The following MAML2 variants were observed in gnomAD, a reference collection of about 807,000 sequenced individuals.
The protein encoded by MAML2 is mastermind-like protein 2.
A neutral mutation model predicts 96.1 loss-of-function variants in MAML2; 22 were observed. The observed-to-expected ratio is 0.23, with a 90% CI of 0.16 to 0.33. MAML2 has a LOEUF of 0.33. MAML2 is among the 10% of genes least tolerant of loss of function. The pLI is 1.00. For synonymous variants in MAML2, 561 were observed against 521.3 expected (o/e 1.08, Z -1.04); for missense variants, 1,367 against 1,392.4 (o/e 0.98, Z 0.29).
At chr11:96,080,854 G>A (rs1021064413) in intron 2 of MAML2, among the ~76,000 whole-genome samples, 3 of 152,178 alleles carry the variant, frequency 2.0e-5, no homozygotes, top group African/African-American at 7.2e-5. Flanking sequence ...AAAGGTTTCA[G>A]AAAGCTGGCC....
chr11:96,120,359 G>A (rs1427010663), intron 1 of MAML2, among the ~76,000 whole-genome samples: 1 of 152,200 alleles, frequency 6.6e-6, no homozygotes. Context: ...AGGATCAGGA[G>A]TAATCTATAT....
chr11:96,151,524 A>C (rs1475374786), intron 1 of MAML2, among the ~76,000 whole-genome samples: 1 of 152,138 alleles, frequency 6.6e-6, no homozygotes, highest in African/African-American at 2.4e-5. Context: ...TCAGTATTGG[A>C]GGTGAGGCCT....
At chr11:96,076,486 C>T (rs1430248014) in intron 2 of MAML2, among the ~76,000 whole-genome samples, 1 of 150,574 alleles carries the variant, frequency 6.6e-6, no homozygotes, top group Non-Finnish European at 1.5e-5. Flanking sequence ...CCCTTCAGAG[C>T]TGCCTGCTTA....
Position 95,986,977 on chromosome 11 carries a change from T to C in MAML2, c.2344-1335A>G, listed in dbSNP as rs80087825. ...ACACAGCTGTTGGCTTTATTACTTGTTGCAGCAAGGGAGAACACACATCAT... is the reference window on the plus strand; with the variant it reads ...ACACAGCTGTTGGCTTTATTACTTGCTGCAGCAAGGGAGAACACACATCAT... On this transcript the variant is annotated intron_variant, in intron 3 of 4. Coordinates refer to ENST00000524717, the MANE Select transcript of MAML2 (RefSeq NM_032427.4). Among the ~76,000 whole-genome samples, 362 of 152,296 alleles carry C rather than the reference T, an allele frequency of 2.4e-3. 2 individuals are homozygous for C. Among genetic ancestry groups the C allele is most frequent in the African/African-American group, 8.5e-3 (352 of 41,566 alleles).
At chr11:95,981,062 G>A (rs1207592935) in intron 4 of MAML2, among the ~76,000 whole-genome samples, 3 of 152,178 alleles carry the variant, frequency 2.0e-5, no homozygotes, top group Non-Finnish European at 4.4e-5. Flanking sequence ...GTTCCTGTGT[G>A]GTGACCTGGA....
chr11:96,320,098 C>T (rs188184387), intron 1 of MAML2, among the ~76,000 whole-genome samples: 3 of 152,332 alleles, frequency 2.0e-5, no homozygotes, highest in Admixed American at 2.0e-4. Context: ...AAACTAGACA[C>T]AACTCCAAAG....
chr11:96,242,491 C>T (rs1862450060), intron 1 of MAML2, among the ~76,000 whole-genome samples: 1 of 152,106 alleles, frequency 6.6e-6, no homozygotes, highest in African/African-American at 2.4e-5. Flanking sequence ...ACAGAGATGG[C>T]AGTTTTCATC....
rs142950053 is a variant in MAML2 at position 96,331,385 on chromosome 11, T to A, written c.513+9998A>T. ...CCTAACTGTTCTTTTTATAGGTTTA[T>A]TAAAAATCCTTAATCAAATGACTAC... On this transcript the variant is annotated intron_variant, in intron 1 of 4. Coordinates refer to ENST00000524717, the MANE Select transcript of MAML2 (RefSeq NM_032427.4). Among the ~76,000 whole-genome samples, 47 of 152,314 alleles carry A rather than the reference T, an allele frequency of 3.1e-4. 2 individuals are homozygous for A. The East Asian group carries it at 8.5e-3, about 27-fold the overall frequency.
intron 2 of MAML2, among the ~76,000 whole-genome samples, chr11:96,061,596 A>G (rs77324027): frequency 0.018 from 2,762 of 152,296 alleles, 36 homozygotes; most frequent in Middle Eastern, 0.027. Flanking sequence ...CATTTTTGAC[A>G]TCAGAATGTC....
intron 1 of MAML2, among the ~76,000 whole-genome samples, chr11:96,258,534 G>A (rs191068869): frequency 6.7e-4 from 102 of 152,314 alleles, no homozygotes; most frequent in Non-Finnish European, 1.2e-3. Context: ...GCTGTGATTT[G>A]CAATGGGCTT....
chr11:96,287,676 T>C (rs1313604563), intron 1 of MAML2, among the ~76,000 whole-genome samples: 1 of 152,254 alleles, frequency 6.6e-6, no homozygotes, highest in Non-Finnish European at 1.5e-5. Flanking sequence ...TTAAGTAGAT[T>C]GTTCTACGGT....
intron 1 of MAML2, among the ~76,000 whole-genome samples, chr11:96,247,871 C>T (rs1281708689): frequency 6.6e-6 from 1 of 152,090 alleles, no homozygotes; most frequent in African/African-American, 2.4e-5. Flanking sequence ...AACAACCTTC[C>T]ACCAACACAT....
intron 2 of MAML2, among the ~76,000 whole-genome samples, chr11:96,090,192 T>C (rs768002759): frequency 3.3e-5 from 5 of 152,108 alleles, no homozygotes; most frequent in Non-Finnish European, 7.4e-5. Flanking sequence ...TGCTGGATAG[T>C]GAAAAATTAG....
intron 2 of MAML2, among the ~76,000 whole-genome samples, chr11:95,999,529 T>A (rs890803963): frequency 2.0e-5 from 3 of 151,860 alleles, no homozygotes; most frequent in African/African-American, 7.3e-5. Context: ...CACAGTAACT[T>A]TCACAAAGTA....
intron 1 of MAML2, among the ~76,000 whole-genome samples, chr11:96,120,823 G>T (rs1055594273): frequency 6.6e-6 from 1 of 152,156 alleles, no homozygotes; most frequent in Admixed American, 6.5e-5. Context: ...GTGAGGTTTG[G>T]AAACCACTGA....
At chr11:96,217,454 A>G (rs889658543) in intron 1 of MAML2, among the ~76,000 whole-genome samples, 1 of 152,234 alleles carries the variant, frequency 6.6e-6, no homozygotes, top group African/African-American at 2.4e-5. Flanking sequence ...ATGAGACACC[A>G]TATTTAGATT....
intron 1 of MAML2, among the ~76,000 whole-genome samples, chr11:96,334,130 T>A (rs372979583): frequency 6.6e-6 from 1 of 152,334 alleles, no homozygotes; most frequent in African/African-American, 2.4e-5. Context: ...GATGTCTCCA[T>A]ATTCAACTAT....
At chr11:96,277,150 G>A (rs1391394548) in intron 1 of MAML2, among the ~76,000 whole-genome samples, 1 of 152,192 alleles carries the variant, frequency 6.6e-6, no homozygotes, top group Non-Finnish European at 1.5e-5. Flanking sequence ...CACGGAATGT[G>A]TTGAGAAAAG....
chr11:96,116,180 G>A (rs781049189), intron 1 of MAML2, among the ~76,000 whole-genome samples: 9 of 152,118 alleles, frequency 5.9e-5, no homozygotes, highest in Non-Finnish European at 8.8e-5. Context: ...TCTTTATACC[G>A]CTATAAGTGT....
Sources: gnomAD v4.1 joint callset for allele counts (sites outside exome capture counted in the v4.1 genomes callset) on GRCh38, gnomAD v4.1.1 for gene constraint, MANE v1.5 for transcripts, NCBI Gene and HGNC (gene_info 2026-07-23, HGNC 2026-07-21) for gene names.